Variants in BARD1 observed in about 807,000 individuals in gnomAD.
BARD1 encodes BRCA1 associated RING domain 1.
Under a neutral mutation model 77.0 loss-of-function variants are expected in BARD1, and 73 were observed. The ratio of observed to expected loss-of-function variants is 0.95; its 90% CI spans 0.79 to 1.15. BARD1 has a LOEUF of 1.15. Among genes scored for constraint, BARD1 ranks in the 50% most tolerant of loss-of-function variants. The pLI is 0.00. For missense variants in BARD1, 993 were observed against 938.8 expected, an observed-to-expected ratio of 1.06 and a Z score of -0.75; for synonymous variants, 384 against 338.0, an observed-to-expected ratio of 1.14 and a Z score of -1.49.
chr2:214,733,368 GATAAAGCAT>G (rs1413740492), intron 9 of BARD1, among the ~76,000 whole-genome samples: 3 of 152,182 alleles, frequency 2.0e-5, no homozygotes, highest in Admixed American at 2.0e-4. Context: ...GCTTTATACA[GATAAAGCAT>G]ATATGAAGAT....
At chr2:214,769,507 C>T (rs542931280) in intron 4 of BARD1, among the ~76,000 whole-genome samples, 195 bp from the exon 5 acceptor site, 5 of 152,172 alleles carry the variant, frequency 3.3e-5, no homozygotes, top group Admixed American at 2.0e-4. Context: ...TTTGAGAGGC[C>T]AAGGTGGGTG....
intron 9 of BARD1, among the ~76,000 whole-genome samples, chr2:214,744,622 G>A (rs779985692): frequency 6.6e-6 from 1 of 151,992 alleles, no homozygotes; most frequent in Admixed American, 6.6e-5. Context: ...ATAAATATGA[G>A]AAGCTTTTTC....
At chr2:214,729,141 G>T in intron 10 of BARD1, 133 bp from the exon 11 acceptor site, 1 of 1,152,892 alleles carries the variant, frequency 8.7e-7, no homozygotes, top group Non-Finnish European at 1.2e-6. Flanking sequence ...AAGCATTTCA[G>T]ATTCATAAAT....
intron 6 of BARD1, among the ~76,000 whole-genome samples, chr2:214,766,617 C>T (rs1361417061): frequency 2.3e-5 from 3 of 128,948 alleles, no homozygotes; most frequent in African/African-American, 5.7e-5. Flanking sequence ...GGTTCCTCAA[C>T]CCGTGATGTC....
At chr2:214,771,342 A>G (rs1363476212) in intron 4 of BARD1, among the ~76,000 whole-genome samples, 1 of 152,060 alleles carries the variant, frequency 6.6e-6, no homozygotes, top group Admixed American at 6.6e-5. Context: ...CCCTCTCCCA[A>G]TACTTTTTTC....
intron 5 of BARD1, among the ~76,000 whole-genome samples, chr2:214,768,392 A>G (rs1334144682): frequency 6.6e-6 from 1 of 152,230 alleles, no homozygotes; most frequent in Non-Finnish European, 1.5e-5. Flanking sequence ...TAAACCCTCT[A>G]AATCACTAAC....
At chr2:214,801,999 C>T (rs1189864243) in intron 1 of BARD1, among the ~76,000 whole-genome samples, 1 of 152,136 alleles carries the variant, frequency 6.6e-6, no homozygotes, top group Non-Finnish European at 1.5e-5. Flanking sequence ...GCTGAGACTA[C>T]AGGTGCACAC....
Position 214,728,844 on chromosome 2 carries a change from G to T in BARD1, c.2166C>A (p.Tyr722Ter), listed in dbSNP as rs2105987094. The change falls in exon 11 of 11, where the codon TAC becomes TAA. Residue 722 changes from tyrosine to a stop codon, truncating the protein, a stop_gained. Coordinates refer to ENST00000260947, the MANE Select transcript of BARD1 (RefSeq NM_000465.4). LOFTEE classifies it high-confidence loss of function. ...GCTGATCAGAATCGGGTCTCGCATG[G>T]TATGCGACTGTATTGATGGTCTGAG... ...DVTQTINTVA[Y>*]HARPDSDQRF... The T allele has an allele frequency of 6.2e-7, 1 of 1,614,176 alleles. No individual in the cohort carries two copies. Among genetic ancestry groups the T allele is most frequent in the Non-Finnish European group, 8.5e-7 (1 of 1,180,036 alleles).
intron 6 of BARD1, among the ~76,000 whole-genome samples, chr2:214,752,916 A>G (rs1693527083): frequency 6.6e-6 from 1 of 152,188 alleles, no homozygotes; most frequent in Non-Finnish European, 1.5e-5. Context: ...TATAGTCTTT[A>G]TAAACCAATA....
chr2:214,795,884 G>C (rs184901219), intron 2 of BARD1, among the ~76,000 whole-genome samples: 8 of 152,250 alleles, frequency 5.3e-5, no homozygotes, highest in Middle Eastern at 3.4e-3. Context: ...GACGTATCTG[G>C]TAGGCAACAG....
At chr2:214,791,662 G>C (rs1022987028) in intron 3 of BARD1, among the ~76,000 whole-genome samples, 1 of 152,162 alleles carries the variant, frequency 6.6e-6, no homozygotes, top group Non-Finnish European at 1.5e-5. Context: ...ATGAATATTA[G>C]ATTTCTGCTC....
chr2:214,730,335 C>T, intron 10 of BARD1, 76 bp downstream of exon 10: 1 of 1,307,206 alleles, frequency 7.6e-7, no homozygotes, highest in Non-Finnish European at 1.1e-6. Flanking sequence ...GTTGAAAGGG[C>T]AGAAGTTCTT....
intron 2 of BARD1, among the ~76,000 whole-genome samples, chr2:214,795,111 G>C (rs547883298): frequency 6.6e-6 from 1 of 152,250 alleles, no homozygotes; most frequent in South Asian, 2.1e-4. Context: ...CCCATCATCT[G>C]TCAGCTGAAA....
intron 7 of BARD1, 68 bp from the exon 8 acceptor site, chr2:214,745,922 T>G: frequency 6.5e-7 from 1 of 1,543,870 alleles, no homozygotes; most frequent in Admixed American, 1.7e-5. Context: ...TTAAACAGAC[T>G]GTTACTTGAT....
chr2:214,746,004 C>T (rs1693099141), intron 7 of BARD1, 150 bp from the exon 8 acceptor site: 1 of 959,486 alleles, frequency 1.0e-6, no homozygotes. Context: ...ACACCCAGAA[C>T]CTTTTAAATA....
intron 4 of BARD1, among the ~76,000 whole-genome samples, chr2:214,774,195 T>G (rs977664742): frequency 1.3e-5 from 2 of 152,188 alleles, no homozygotes; most frequent in Non-Finnish European, 1.5e-5. Context: ...CCTCTCAAAG[T>G]CATCCATGAA....
In BARD1 at chr2:214,809,281, C is replaced by G. The variant is rs1047404815; in HGVS notation, c.158+131G>C. The G allele has an allele frequency of 7.4e-6, 10 of 1,354,152 alleles. No homozygotes were observed. In the African/African-American group the frequency reaches 1.3e-4, roughly 18 times the overall value. 83.9% of individuals were successfully genotyped at this position (1,354,152 alleles called of 1,614,324 possible). On this transcript the variant is annotated intron_variant, in intron 1 of 10. Transcript: ENST00000260947. ...TTAATACTATATCCCCCGGCAGGTGCTAACCGCACGCCGACCCGACTGCAG... is the reference window on the plus strand; with the variant it reads ...TTAATACTATATCCCCCGGCAGGTGGTAACCGCACGCCGACCCGACTGCAG...
chr2:214,737,825 C>A (rs1327505576), intron 9 of BARD1, among the ~76,000 whole-genome samples: 1 of 151,918 alleles, frequency 6.6e-6, no homozygotes, highest in Non-Finnish European at 1.5e-5. Flanking sequence ...ACCTATTTTC[C>A]ATTTAAAACA....
At chr2:214,766,616 A>AT (rs1421715225) in intron 6 of BARD1, among the ~76,000 whole-genome samples, 2 of 128,576 alleles carry the variant, frequency 1.6e-5, no homozygotes, top group African/African-American at 2.9e-5. Flanking sequence ...TGGTTCCTCA[A>AT]CCCGTGATGT....
Sources: gnomAD v4.1 joint callset for allele counts (sites outside exome capture counted in the v4.1 genomes callset) on GRCh38, gnomAD v4.1.1 for gene constraint, MANE v1.5 for transcripts, NCBI Gene and HGNC (gene_info 2026-07-23, HGNC 2026-07-21) for gene names.